The following ANK2 variants were observed in gnomAD, a reference collection of about 807,000 sequenced individuals.
ANK2 encodes ankyrin-2.
A neutral mutation model predicts 360.5 loss-of-function variants in ANK2; 83 were observed. That is an observed-to-expected ratio of 0.23 (90% CI 0.19 to 0.28). The LOEUF (loss-of-function observed/expected upper bound fraction) is 0.28. Ranked by LOEUF, ANK2 falls within the 10% of genes least tolerant of loss-of-function variation. ANK2 has a pLI of 1.00. For missense variants in ANK2, 4,201 were observed against 4,795.7 expected (o/e 0.88, Z 3.66); for synonymous variants, 1,740 against 1,759.5 (o/e 0.99, Z 0.28).
intron 2 of ANK2, among the ~76,000 whole-genome samples, chr4:112,987,653 A>T (rs1207987948): frequency 6.6e-6 from 1 of 152,064 alleles, no homozygotes; most frequent in East Asian, 1.9e-4. Context: ...TTGGAAAAAA[A>T]TGTAATTCAG....
intron 26 of ANK2, among the ~76,000 whole-genome samples, chr4:113,320,692 C>T (rs946415952): frequency 1.3e-5 from 2 of 151,860 alleles, no homozygotes; most frequent in Non-Finnish European, 2.9e-5. Flanking sequence ...AAACTAGTGC[C>T]CAGGCCTCAA....
intron 2 of ANK2, among the ~76,000 whole-genome samples, chr4:112,964,161 A>C (rs2036128122): frequency 6.7e-6 from 1 of 149,622 alleles, no homozygotes; most frequent in Non-Finnish European, 1.5e-5. Context: ...TGATACAGGC[A>C]TGCAGTAAGC....
chr4:113,224,785 A>G (rs2089065288), intron 4 of ANK2, among the ~76,000 whole-genome samples: 1 of 151,736 alleles, frequency 6.6e-6, no homozygotes, highest in Admixed American at 6.6e-5. Context: ...CCTAAGGCCT[A>G]TCTTTAGCTG....
At chr4:112,998,932 T>C (rs971993975) in intron 2 of ANK2, among the ~76,000 whole-genome samples, 1 of 152,222 alleles carries the variant, frequency 6.6e-6, no homozygotes. Context: ...TCATTGCAAA[T>C]CAAAATGGGA....
chr4:113,122,374 C>CACCAA (rs1044670362), intron 1 of ANK2, among the ~76,000 whole-genome samples: 2 of 152,074 alleles, frequency 1.3e-5, no homozygotes, highest in African/African-American at 4.8e-5. Context: ...GATGTCTGGA[C>CACCAA]ACCAAACCAA....
intron 1 of ANK2, among the ~76,000 whole-genome samples, chr4:113,121,589 T>C (rs1189828409): frequency 6.6e-6 from 1 of 152,186 alleles, no homozygotes; most frequent in Non-Finnish European, 1.5e-5. Context: ...CAAATTGAGG[T>C]CAATTACTGG....
intron 2 of ANK2, among the ~76,000 whole-genome samples, chr4:112,932,495 A>G (rs2154238459): frequency 6.6e-6 from 1 of 151,376 alleles, no homozygotes; most frequent in East Asian, 1.9e-4. Context: ...CCGTCTCAAA[A>G]AAAAAAAAAA....
chr4:113,150,086 G>T (rs1310333024), intron 1 of ANK2, among the ~76,000 whole-genome samples: 2 of 151,884 alleles, frequency 1.3e-5, no homozygotes, highest in South Asian at 4.2e-4. Flanking sequence ...TGCAGGCCTC[G>T]GTGCTCTGGG....
the ANK2 span, among the ~76,000 whole-genome samples, chr4:112,787,612 C>T: frequency 6.6e-6 from 1 of 152,162 alleles, no homozygotes; most frequent in Non-Finnish European, 1.5e-5. Context: ...TTGAGTAAGT[C>T]CACTCCATGG....
intron 2 of ANK2, among the ~76,000 whole-genome samples, chr4:112,942,044 GTTTTC>G (rs1182893812): frequency 6.6e-6 from 1 of 151,782 alleles, no homozygotes; most frequent in Admixed American, 6.6e-5. Flanking sequence ...GATAAAACTT[GTTTTC>G]TTTTGTTTCC....
chr4:112,873,662 G>A (rs1580217314), intron 1 of ANK2, among the ~76,000 whole-genome samples: 1 of 148,382 alleles, frequency 6.7e-6, no homozygotes, highest in South Asian at 2.1e-4. Context: ...TCAGCCTCCC[G>A]AGTAGCTGGG....
At chr4:113,259,170 G>T (rs569288821) in intron 13 of ANK2, among the ~76,000 whole-genome samples, 9 of 152,108 alleles carry the variant, frequency 5.9e-5, no homozygotes, top group South Asian at 2.1e-4. Flanking sequence ...TTTGGTCATT[G>T]TATCAGGATA....
chr4:112,713,945 C>CAA, the ANK2 span, among the ~76,000 whole-genome samples: 1 of 91,400 alleles, frequency 1.1e-5, no homozygotes, highest in Non-Finnish European at 2.4e-5. Context: ...AAAAAAAAAA[C>CAA]AAAAAAAAAA....
At chr4:112,853,976 G>A (rs1246796668) in intron 1 of ANK2, among the ~76,000 whole-genome samples, 1 of 152,210 alleles carries the variant, frequency 6.6e-6, no homozygotes, top group Non-Finnish European at 1.5e-5. Context: ...AAGAGTTATT[G>A]AAATGATTTA....
At chr4:112,736,440 G>A in the ANK2 span, among the ~76,000 whole-genome samples, 1 of 147,318 alleles carries the variant, frequency 6.8e-6, no homozygotes, top group Non-Finnish European at 1.5e-5. Context: ...ACTCCAGCCT[G>A]GACAACAGAG....
At chr4:113,032,491 G>A (rs144619395) in intron 2 of ANK2, among the ~76,000 whole-genome samples, 1 of 152,004 alleles carries the variant, frequency 6.6e-6, no homozygotes, top group Non-Finnish European at 1.5e-5. Context: ...TGAGGAGAGG[G>A]TAAACCCTTA....
chr4:113,019,977 A>T (rs115844198), intron 2 of ANK2, among the ~76,000 whole-genome samples: 3,891 of 152,254 alleles, frequency 0.026, 156 homozygotes, highest in African/African-American at 0.087. Context: ...TGTGAAAGAT[A>T]CATAGGTCTT....
intron 22 of ANK2, among the ~76,000 whole-genome samples, chr4:113,295,012 AG>A (rs1413133849): frequency 6.6e-6 from 1 of 152,214 alleles, no homozygotes; most frequent in Non-Finnish European, 1.5e-5. Flanking sequence ...TTCTGCCATT[AG>A]AAGTCATGTT....
rs146255543 is a variant in ANK2 at position 113,114,888 on chromosome 4, A to G, written c.85-59528A>G. Among the ~76,000 whole-genome samples the G allele has an allele frequency of 1.7e-3, 258 of 152,296 alleles. 1 individual carries two copies. The highest frequency in any genetic ancestry group is 5.9e-3 in the African/African-American group (246 of 41,572). On this transcript the variant is annotated intron_variant, in intron 1 of 45. Coordinates refer to ENST00000357077, the MANE Select transcript of ANK2 (RefSeq NM_001148.6). ...AGCTGGAGTCACCCTCACAACAGGA[A>G]AACCATTGCAGGAGGCTTAGCCACA...
Sources: allele counts gnomAD v4.1 joint callset (sites outside exome capture counted in the v4.1 genomes callset), GRCh38; gene constraint gnomAD v4.1.1; transcripts MANE v1.5; gene names NCBI Gene and HGNC (gene_info 2026-07-23, HGNC 2026-07-21).